SMIM41: variants seen among roughly 807,000 people sequenced by gnomAD.
SMIM41 encodes the protein small integral membrane protein 41.
At chr12:52,100,853 A>G (rs748220598) in intron 2 of SMIM41, among the ~76,000 whole-genome samples, 1 of 152,158 alleles carries the variant, frequency 6.6e-6, no homozygotes, top group African/African-American at 2.4e-5. Context: ...ACACTTGCAT[A>G]TACATAAAAT....
chr12:52,103,623 G>C (rs1212119342), intron 2 of SMIM41, among the ~76,000 whole-genome samples: 1 of 152,008 alleles, frequency 6.6e-6, no homozygotes, highest in African/African-American at 2.4e-5. Context: ...GCTGGGTGTG[G>C]TGGCACACGC....
chr12:52,097,481 C>G (rs112036574), intron 2 of SMIM41, among the ~76,000 whole-genome samples: 149 of 152,162 alleles, frequency 9.8e-4, no homozygotes, highest in African/African-American at 2.9e-3. Context: ...CCCGCTGATG[C>G]GCAGAGTGAT....
At chr12:52,089,750 A>C (rs2120667273) in intron 2 of SMIM41, among the ~76,000 whole-genome samples, 1 of 152,370 alleles carries the variant, frequency 6.6e-6, no homozygotes, top group East Asian at 1.9e-4. Flanking sequence ...GCTCTGTCCC[A>C]TCACATGGTG....
intron 2 of SMIM41, among the ~76,000 whole-genome samples, chr12:52,104,676 G>C (rs11170003): frequency 2.1e-4 from 32 of 151,022 alleles, no homozygotes; most frequent in East Asian, 5.8e-4. Flanking sequence ...TTATGGTCGG[G>C]GGGGGGCGGT....
intron 1 of SMIM41, among the ~76,000 whole-genome samples, chr12:52,082,890 G>C (rs1471029841): frequency 6.6e-6 from 1 of 152,180 alleles, no homozygotes; most frequent in Non-Finnish European, 1.5e-5. Context: ...GCCAGCAAGA[G>C]AGCCTGCTCT....
At chr12:52,105,315 G>C (rs923729531) in intron 2 of SMIM41, among the ~76,000 whole-genome samples, 1 of 152,226 alleles carries the variant, frequency 6.6e-6, no homozygotes, top group African/African-American at 2.4e-5. Context: ...CCTTGCCCCT[G>C]TTCCTGGCTT....
chr12:52,093,752 G>A (rs993111632), intron 2 of SMIM41: 1 of 152,170 alleles, frequency 6.6e-6, no homozygotes, highest in African/African-American at 2.4e-5. Context: ...CTGTCAGGTC[G>A]GCTCTATTGC....
At chr12:52,102,302 T>C (rs1419729123) in intron 2 of SMIM41, among the ~76,000 whole-genome samples, 3 of 152,180 alleles carry the variant, frequency 2.0e-5, no homozygotes, top group African/African-American at 4.8e-5. Flanking sequence ...GGCCACACTT[T>C]CATGACATCA....
intron 2 of SMIM41, among the ~76,000 whole-genome samples, chr12:52,092,902 C>T (rs565656450): frequency 6.6e-6 from 1 of 152,224 alleles, no homozygotes; most frequent in Admixed American, 6.5e-5. Context: ...ACATTTTGGG[C>T]TGGGCATGGC....
intron 2 of SMIM41, among the ~76,000 whole-genome samples, chr12:52,095,450 A>G (rs763940426): frequency 3.9e-5 from 6 of 152,020 alleles, no homozygotes; most frequent in Non-Finnish European, 4.4e-5. Context: ...GAAATTACCA[A>G]CTATATCACA....
intron 2 of SMIM41, among the ~76,000 whole-genome samples, chr12:52,096,352 G>A (rs189232506): frequency 1.3e-5 from 2 of 151,942 alleles, no homozygotes; most frequent in Admixed American, 6.6e-5. Flanking sequence ...TATTATATTC[G>A]GGTCAATATC....
At chr12:52,093,123 G>A (rs979239630) in intron 2 of SMIM41, among the ~76,000 whole-genome samples, 2 of 152,086 alleles carry the variant, frequency 1.3e-5, no homozygotes, top group Admixed American at 6.6e-5. Context: ...GCTTGAACCC[G>A]GGAGGCAGTG....
intron 2 of SMIM41, among the ~76,000 whole-genome samples, chr12:52,086,241 G>A (rs770414517): frequency 6.6e-6 from 1 of 152,012 alleles, no homozygotes; most frequent in Non-Finnish European, 1.5e-5. Context: ...TGCTGAGAGG[G>A]GACCTGCAGC....
chr12:52,094,955 T>C (rs1430988994), intron 2 of SMIM41: 1 of 151,882 alleles, frequency 6.6e-6, no homozygotes, highest in African/African-American at 2.4e-5. Context: ...CTGTTTTTTT[T>C]TTTTTTTTGA....
rs1305441539 is a variant in SMIM41 at position 52,081,936 on chromosome 12, T to A, written c.*120+1755T>A. On this transcript the variant is annotated intron_variant, in intron 1 of 2. Coordinates refer to ENST00000546390, the MANE Select transcript of SMIM41 (RefSeq NM_001369216.1). This position sits in a 1 kb window ranked among gnomAD's most constrained non-coding sequence, Gnocchi z 4.1. ...CCCTTCCCTGCTTTCTCATCACTCT[T>A]TGAGATGCTGGTGCAAAACGCGGCC... 1 of 152,272 alleles carries A rather than the reference T, an allele frequency of 6.6e-6. No individual in the cohort carries two copies. The highest frequency in any genetic ancestry group is 1.9e-4 in the East Asian group (1 of 5,184). The allele number at this position is 152,272 out of a possible 1,614,324, so 9.4% of individuals were successfully genotyped here. A position where few individuals can be genotyped will look rare whatever the true frequency, so the allele number is the denominator to read the frequency against.
chr12:52,086,431 G>A (rs1239058123), intron 2 of SMIM41, among the ~76,000 whole-genome samples: 1 of 152,198 alleles, frequency 6.6e-6, no homozygotes. Flanking sequence ...CTTTCATGCT[G>A]TATGAATGCT....
intron 2 of SMIM41, among the ~76,000 whole-genome samples, chr12:52,090,446 CG>C (rs200733230): frequency 1.0e-5 from 1 of 96,266 alleles, no homozygotes; most frequent in East Asian, 2.9e-4. Context: ...GGGGAGGGGG[CG>C]GGGGGGAAGC....
chr12:52,105,825 A>G (rs1940328164), intron 2 of SMIM41, among the ~76,000 whole-genome samples: 1 of 152,174 alleles, frequency 6.6e-6, no homozygotes, highest in African/African-American at 2.4e-5. Flanking sequence ...GAAGTATAGT[A>G]TCTGGGACTT....
At chr12:52,103,086 A>G (rs1302051100) in intron 2 of SMIM41, among the ~76,000 whole-genome samples, 3 of 152,130 alleles carry the variant, frequency 2.0e-5, no homozygotes, top group African/African-American at 7.2e-5. Context: ...AGCATCTTGG[A>G]AGACCGAGGT....
Sources: allele counts gnomAD v4.1 joint callset (sites outside exome capture counted in the v4.1 genomes callset), GRCh38; gene constraint gnomAD v4.1.1; non-coding constraint Gnocchi (gnomAD v3.1); transcripts MANE v1.5; gene names NCBI Gene and HGNC (gene_info 2026-07-23, HGNC 2026-07-21).